Variants in SAMD12 observed in about 807,000 individuals in gnomAD.
SAMD12 encodes sterile alpha motif domain-containing protein 12.
In SAMD12, 9 loss-of-function variants were observed where a neutral mutation model predicts 15.0. The ratio of observed to expected loss-of-function variants is 0.60; its 90% CI spans 0.36 to 1.05. The LOEUF (loss-of-function observed/expected upper bound fraction) is 1.05. Among genes scored for constraint, SAMD12 ranks in the 50% least tolerant of loss-of-function variants. The pLI is 0.01. For missense variants in SAMD12, 230 were observed against 234.2 expected (o/e 0.98, Z 0.12); for synonymous variants, 86 against 90.1 (o/e 0.96, Z 0.25).
intron 4 of SAMD12, among the ~76,000 whole-genome samples, chr8:118,314,069 T>A (rs1490547165): frequency 6.6e-6 from 1 of 152,206 alleles, no homozygotes; most frequent in Non-Finnish European, 1.5e-5. Context: ...TAAATGTTCC[T>A]AATTTCAGAT....
chr8:118,591,619 T>C (rs918160893), intron 1 of SAMD12, among the ~76,000 whole-genome samples: 1 of 151,472 alleles, frequency 6.6e-6, no homozygotes, highest in Admixed American at 6.6e-5. Flanking sequence ...AGTATAGACA[T>C]AAAAAGTGCA....
At chr8:118,144,278 C>T in the SAMD12 span, among the ~76,000 whole-genome samples, 1 of 152,202 alleles carries the variant, frequency 6.6e-6, no homozygotes, top group Non-Finnish European at 1.5e-5. Context: ...ACATCACAAG[C>T]TCCAATGTTT....
rs1461155166 is a variant in SAMD12 at position 118,467,094 on chromosome 8, C to A, written c.193-27133G>T. Among the ~76,000 whole-genome samples, 3 of 152,182 alleles carry A rather than the reference C, an allele frequency of 2.0e-5. No homozygotes were observed. In the East Asian group the frequency reaches 5.8e-4, roughly 29 times the overall value. On this transcript the variant is annotated intron_variant, in intron 2 of 3. Transcript: ENST00000314727. ...CTGGGAACAGAAAATGACAGGACTG[C>A]ATTTTCTTGAGTATCTATTCAGAGG...
chr8:118,294,957 G>A (rs1338285207), intron 4 of SAMD12, among the ~76,000 whole-genome samples: 1 of 152,126 alleles, frequency 6.6e-6, no homozygotes, highest in Non-Finnish European at 1.5e-5. Context: ...AGCAGGAACT[G>A]TATTATATAA....
chr8:118,575,383 C>T (rs138338785), intron 2 of SAMD12, among the ~76,000 whole-genome samples: 3 of 152,302 alleles, frequency 2.0e-5, no homozygotes, highest in East Asian at 1.9e-4. Context: ...TTAATATATG[C>T]AGCATTTTAA....
chr8:118,439,683 T>C (rs947773238), intron 3 of SAMD12, 149 bp downstream of exon 3: 3 of 704,194 alleles, frequency 4.3e-6, no homozygotes, highest in Non-Finnish European at 7.4e-6. Flanking sequence ...ATGGCTCACA[T>C]GGATCTGGAA....
At chr8:118,265,306 T>C (rs1813172510) in intron 4 of SAMD12, among the ~76,000 whole-genome samples, 1 of 152,172 alleles carries the variant, frequency 6.6e-6, no homozygotes, top group African/African-American at 2.4e-5. Flanking sequence ...CAGTCTTGAA[T>C]ATGTAGAACA....
chr8:118,252,186 C>T (rs1402402050), intron 4 of SAMD12, among the ~76,000 whole-genome samples: 1 of 152,112 alleles, frequency 6.6e-6, no homozygotes, highest in Non-Finnish European at 1.5e-5. Context: ...GTGTTTTCTT[C>T]CTTATGCTCA....
chr8:118,523,404 A>G (rs1190685176), intron 2 of SAMD12, among the ~76,000 whole-genome samples: 1 of 152,212 alleles, frequency 6.6e-6, no homozygotes, highest in African/African-American at 2.4e-5. Context: ...ATAATCTATC[A>G]TAACGGTGTG....
chr8:118,576,500 C>T (rs1376647408), intron 2 of SAMD12, among the ~76,000 whole-genome samples: 2 of 152,196 alleles, frequency 1.3e-5, no homozygotes, highest in East Asian at 3.9e-4. Flanking sequence ...AGTGCTTAGA[C>T]TTCACGGCTA....
At chr8:118,549,681 G>T (rs1258183043) in intron 2 of SAMD12, among the ~76,000 whole-genome samples, 1 of 152,232 alleles carries the variant, frequency 6.6e-6, no homozygotes, top group African/African-American at 2.4e-5. Flanking sequence ...GCTGGACGGA[G>T]AATGACTTTG....
intron 4 of SAMD12, among the ~76,000 whole-genome samples, chr8:118,343,003 G>C (rs183834482): frequency 6.6e-6 from 1 of 152,128 alleles, no homozygotes; most frequent in South Asian, 2.1e-4. Context: ...GTAGGAAATA[G>C]GGTTCTAGCT....
chr8:118,280,946 T>G (rs1210665001), intron 4 of SAMD12, among the ~76,000 whole-genome samples: 1 of 152,202 alleles, frequency 6.6e-6, no homozygotes, highest in Non-Finnish European at 1.5e-5. Flanking sequence ...AAGGCTGCCC[T>G]TTTTTGTCCC....
At chr8:118,197,080 G>A (rs1313058362) in exon 5 of SAMD12, 1 of 150,258 alleles carries the variant, frequency 6.7e-6, no homozygotes, top group African/African-American at 2.5e-5. Context: ...AGTCTGAGCC[G>A]GAAAAAAAAA....
intron 2 of SAMD12, among the ~76,000 whole-genome samples, chr8:118,493,296 T>C (rs527265031): frequency 6.6e-6 from 1 of 152,286 alleles, no homozygotes; most frequent in South Asian, 2.1e-4. Flanking sequence ...CCAAGTCTAT[T>C]ACTCCTACTG....
At chr8:118,593,736 C>T (rs970675092) in intron 1 of SAMD12, among the ~76,000 whole-genome samples, 2 of 152,002 alleles carry the variant, frequency 1.3e-5, no homozygotes, top group Non-Finnish European at 2.9e-5. Flanking sequence ...TTAAAAAGAA[C>T]AGAGAAAAGT....
At chr8:118,175,743 A>G in the SAMD12 span, among the ~76,000 whole-genome samples, 4 of 152,336 alleles carry the variant, frequency 2.6e-5, no homozygotes, top group African/African-American at 7.2e-5. Context: ...AAAATGCTCA[A>G]TATCACTAAT....
intron 1 of SAMD12, among the ~76,000 whole-genome samples, chr8:118,614,954 T>G (rs1828205182): frequency 6.6e-6 from 1 of 152,212 alleles, no homozygotes; most frequent in Non-Finnish European, 1.5e-5. Context: ...GAGAGCAGCT[T>G]TCCACGCTTG....
intron 2 of SAMD12, among the ~76,000 whole-genome samples, chr8:118,511,734 G>T (rs1825089303): frequency 6.6e-6 from 1 of 152,114 alleles, no homozygotes; most frequent in Admixed American, 6.6e-5. Flanking sequence ...GCTTCACAAT[G>T]GCATATAGAT....
Sources: gnomAD v4.1 joint callset for allele counts (sites outside exome capture counted in the v4.1 genomes callset) on GRCh38, gnomAD v4.1.1 for gene constraint, MANE v1.5 for transcripts, NCBI Gene and HGNC (gene_info 2026-07-23, HGNC 2026-07-21) for gene names.